TMTC1: variants seen among roughly 807,000 people sequenced by gnomAD.
TMTC1 encodes the protein protein O-mannosyl-transferase TMTC1.
TMTC1 carries 73 observed loss-of-function variants against 104.8 expected under a neutral mutation model. The observed-to-expected ratio is 0.70, with a 90% CI of 0.58 to 0.85. The LOEUF is 0.85. Among genes scored for constraint, TMTC1 ranks in the 40% least tolerant of loss-of-function variants. TMTC1 has a pLI of 0.00. For synonymous variants in TMTC1, 434 were observed against 428.7 expected, an observed-to-expected ratio of 1.01 and a Z score of -0.15; for missense variants, 1,035 against 1,096.1, an observed-to-expected ratio of 0.94 and a Z score of 0.79.
chr12:29,774,038 G>A (rs1943652799), intron 1 of TMTC1, among the ~76,000 whole-genome samples: 1 of 152,152 alleles, frequency 6.6e-6, no homozygotes, highest in East Asian at 1.9e-4. Flanking sequence ...GTGTGTGTGT[G>A]TGTGTGCAGG....
At chr12:29,782,831 T>G (rs929361932) in intron 1 of TMTC1, 4 of 152,052 alleles carry the variant, frequency 2.6e-5, no homozygotes, top group African/African-American at 9.7e-5. Context: ...CCTTCTAAAG[T>G]CTAGATCCAG....
intron 1 of TMTC1, among the ~76,000 whole-genome samples, chr12:29,782,588 A>C (rs1943859331): frequency 6.6e-6 from 1 of 152,232 alleles, no homozygotes; most frequent in Non-Finnish European, 1.5e-5. Flanking sequence ...TGATTGTGTA[A>C]GATAGCATTT....
At chr12:29,724,545 C>A (rs996497445) in intron 5 of TMTC1, among the ~76,000 whole-genome samples, 2 of 152,152 alleles carry the variant, frequency 1.3e-5, no homozygotes, top group African/African-American at 4.8e-5. Flanking sequence ...CATTATCCAA[C>A]TTACACAGCA....
chr12:29,669,800 T>C (rs117039988), intron 5 of TMTC1, among the ~76,000 whole-genome samples: 118 of 152,342 alleles, frequency 7.7e-4, no homozygotes, highest in Non-Finnish European at 1.1e-3. Flanking sequence ...TATGTATTTG[T>C]ATGGCATTTA....
chr12:29,713,300 T>TACACAC (rs10574727), intron 5 of TMTC1, among the ~76,000 whole-genome samples: 14,023 of 134,340 alleles, frequency 0.1, 880 homozygotes, highest in Admixed American at 0.19. Flanking sequence ...CATAAACACA[T>TACACAC]ACACACACAC....
chr12:29,618,224 G>A (rs1302265919), intron 6 of TMTC1, among the ~76,000 whole-genome samples: 2 of 152,182 alleles, frequency 1.3e-5, no homozygotes, highest in Non-Finnish European at 2.9e-5. Context: ...CTAGCAGAAT[G>A]CACTGAGATG....
intron 7 of TMTC1, among the ~76,000 whole-genome samples, chr12:29,588,841 T>C (rs1023186576): frequency 2.0e-5 from 3 of 151,986 alleles, no homozygotes; most frequent in Non-Finnish European, 2.9e-5. Flanking sequence ...GTTTAACCCA[T>C]GAAAACACTA....
At chr12:29,600,739 G>C (rs1017068599) in intron 7 of TMTC1, among the ~76,000 whole-genome samples, 1 of 152,172 alleles carries the variant, frequency 6.6e-6, no homozygotes, top group African/African-American at 2.4e-5. Context: ...GGTCAGGAAA[G>C]CACCTCCACC....
chr12:29,550,344 G>A (rs1945060966), intron 10 of TMTC1, among the ~76,000 whole-genome samples: 1 of 152,090 alleles, frequency 6.6e-6, no homozygotes, highest in East Asian at 1.9e-4. Flanking sequence ...GCAAAAATCA[G>A]GGAGAAGAGA....
In TMTC1 at chr12:29,502,559, T is replaced by C. The variant is rs1272273637; in HGVS notation, c.*4287A>G. The C allele has an allele frequency of 6.6e-6, 1 of 152,172 alleles. No homozygotes were observed. The highest frequency in any genetic ancestry group is 1.5e-5 in the Non-Finnish European group (1 of 68,024). 9.4% of individuals were successfully genotyped at this position (152,172 alleles called of 1,614,324 possible). On this transcript the variant is annotated 3_prime_UTR_variant, in exon 18 of 18. Coordinates refer to ENST00000539277, the MANE Select transcript of TMTC1 (RefSeq NM_001193451.2). Reference sequence around the variant, plus strand: ...CATCTGAGAACGAGGAATTGTGTCATTTTAAGGCCAAATTGCAGTCCAATT... The same window carrying C: ...CATCTGAGAACGAGGAATTGTGTCACTTTAAGGCCAAATTGCAGTCCAATT...
At chr12:29,570,421 ATCT>A (rs1042934025) in intron 9 of TMTC1, among the ~76,000 whole-genome samples, 42 of 152,356 alleles carry the variant, frequency 2.8e-4, no homozygotes, top group African/African-American at 9.6e-4. Flanking sequence ...CTTAAAAATG[ATCT>A]TCTATTCTGT....
At chr12:29,752,975 G>A (rs1265754841) in intron 4 of TMTC1, among the ~76,000 whole-genome samples, 1 of 152,286 alleles carries the variant, frequency 6.6e-6, no homozygotes, top group Admixed American at 6.5e-5. Context: ...TTCAGGAGCT[G>A]ATTTTGTACT....
At chr12:29,750,633 G>T (rs1943067341) in intron 5 of TMTC1, among the ~76,000 whole-genome samples, 2 of 152,236 alleles carry the variant, frequency 1.3e-5, no homozygotes, top group Admixed American at 1.3e-4. Context: ...GAAAGAGGGA[G>T]TTTTAAGGGA....
chr12:29,597,878 C>G (rs1188921505), intron 7 of TMTC1, among the ~76,000 whole-genome samples: 1 of 152,100 alleles, frequency 6.6e-6, no homozygotes, highest in Admixed American at 6.5e-5. Context: ...ATCATCATGA[C>G]AAGAATACCA....
chr12:29,772,558 C>G (rs1203007849), intron 1 of TMTC1, among the ~76,000 whole-genome samples: 1 of 152,158 alleles, frequency 6.6e-6, no homozygotes, highest in Non-Finnish European at 1.5e-5. Context: ...ACTTCACTCA[C>G]TCTAAGATCA....
intron 1 of TMTC1, among the ~76,000 whole-genome samples, chr12:29,771,700 G>A (rs549721182): frequency 6.6e-6 from 1 of 152,300 alleles, no homozygotes; most frequent in South Asian, 2.1e-4. Flanking sequence ...GGCAAGATAG[G>A]TGGTATCCAA....
intron 5 of TMTC1, among the ~76,000 whole-genome samples, chr12:29,742,089 T>TG (rs1055794928): frequency 6.6e-6 from 1 of 151,466 alleles, no homozygotes; most frequent in East Asian, 1.9e-4. Flanking sequence ...ATGAAAACTA[T>TG]GAAAAAAAAA....
At chr12:29,724,545 CTTACACAGCATTACATAGAGTA>C (rs1942329041) in intron 5 of TMTC1, among the ~76,000 whole-genome samples, 2 of 152,152 alleles carry the variant, frequency 1.3e-5, no homozygotes, top group South Asian at 4.1e-4. Flanking sequence ...CATTATCCAA[CTTACACAGCATTACATAGAGTA>C]TTACACAGCT....
intron 5 of TMTC1, among the ~76,000 whole-genome samples, chr12:29,720,758 C>A (rs1942215632): frequency 6.6e-6 from 1 of 151,860 alleles, no homozygotes; most frequent in Non-Finnish European, 1.5e-5. Context: ...CAGACAATGG[C>A]CACAAGTTTT....
Sources: gnomAD v4.1 joint callset for allele counts (sites outside exome capture counted in the v4.1 genomes callset) on GRCh38, gnomAD v4.1.1 for gene constraint, MANE v1.5 for transcripts, NCBI Gene and HGNC (gene_info 2026-07-23, HGNC 2026-07-21) for gene names.